ADAM22: variants seen among roughly 807,000 people sequenced by gnomAD.
ADAM22 encodes ADAM metallopeptidase domain 22, also known as disintegrin and metalloproteinase domain-containing protein 22.
In ADAM22, 65 loss-of-function variants were observed where a neutral mutation model predicts 144.6. The observed-to-expected ratio is 0.45, with a 90% CI of 0.37 to 0.55. The LOEUF (loss-of-function observed/expected upper bound fraction) is 0.55. ADAM22 is among the 20% of genes least tolerant of loss of function. ADAM22 has a pLI of 0.00. For synonymous variants in ADAM22, 391 were observed against 412.6 expected (o/e 0.95, Z 0.63); for missense variants, 974 against 1,184.9 (o/e 0.82, Z 2.61).
chr7:88,020,558 G>A (rs1303136484), intron 3 of ADAM22, among the ~76,000 whole-genome samples: 2 of 152,070 alleles, frequency 1.3e-5, no homozygotes, highest in Non-Finnish European at 1.5e-5. Context: ...TATCGACTTT[G>A]GCTGTACTTC....
At chr7:88,124,041 T>C (rs1452318595) in intron 7 of ADAM22, among the ~76,000 whole-genome samples, 1 of 152,052 alleles carries the variant, frequency 6.6e-6, no homozygotes, top group African/African-American at 2.4e-5. Flanking sequence ...TATCATAATG[T>C]CTGTCTTGGT....
chr7:87,959,389 C>T (rs1382429184), intron 2 of ADAM22, among the ~76,000 whole-genome samples: 1 of 151,900 alleles, frequency 6.6e-6, no homozygotes, highest in African/African-American at 2.4e-5. Context: ...TTTTAAGCTC[C>T]TATAATTATC....
intron 15 of ADAM22, 41 bp downstream of exon 15, chr7:88,143,166 A>G (rs1461699342): frequency 1.5e-6 from 2 of 1,323,518 alleles, no homozygotes; most frequent in Non-Finnish European, 2.1e-6. Flanking sequence ...ATTAATTATC[A>G]ACCTTTCTAA....
At chr7:88,190,410 C>T (rs751713776) in intron 30 of ADAM22, among the ~76,000 whole-genome samples, 9 of 151,528 alleles carry the variant, frequency 5.9e-5, no homozygotes, top group Non-Finnish European at 8.8e-5. Context: ...TGGCGCATTC[C>T]TATAGTCCCA....
chr7:88,142,000 C>CT (rs1337083683), intron 14 of ADAM22, among the ~76,000 whole-genome samples: 1 of 151,816 alleles, frequency 6.6e-6, no homozygotes, highest in Non-Finnish European at 1.5e-5. Flanking sequence ...TAATCAAGAT[C>CT]TTTTTTCTAT....
rs529325167 is a variant in ADAM22 at position 88,111,103 on chromosome 7, G to A, written c.473+2845G>A. On this transcript the variant is annotated intron_variant, in intron 5 of 31. Transcript: ENST00000413139. ...AATAAAAATAAACAGAAAACCTATC[G>A]TGTGTCTTGGAACATTGTCAGAATT... Among the ~76,000 whole-genome samples the A allele has an allele frequency of 8.6e-5, 13 of 151,928 alleles. No homozygotes were observed. The East Asian group carries it at 1.8e-3, about 21-fold the overall frequency.
At chr7:88,001,622 G>A (rs2282945) in intron 3 of ADAM22, among the ~76,000 whole-genome samples, 1 of 151,972 alleles carries the variant, frequency 6.6e-6, no homozygotes, top group Admixed American at 6.6e-5. Flanking sequence ...TATCTGGGGA[G>A]TGTGCTTATT....
intron 17 of ADAM22, among the ~76,000 whole-genome samples, chr7:88,146,183 T>A (rs576080401): frequency 6.6e-6 from 1 of 152,340 alleles, no homozygotes; most frequent in African/African-American, 2.4e-5. Flanking sequence ...TAGTCTACGT[T>A]ATTTCTATCT....
intron 26 of ADAM22, among the ~76,000 whole-genome samples, chr7:88,175,307 T>C (rs1845358898): frequency 6.6e-6 from 1 of 152,128 alleles, no homozygotes; most frequent in South Asian, 2.1e-4. Flanking sequence ...AAGCAAGCAA[T>C]AAGCATAGTA....
chr7:88,130,351 C>T (rs1295273399), intron 9 of ADAM22, 37 bp from the exon 10 acceptor site: 1 of 1,553,504 alleles, frequency 6.4e-7, no homozygotes, highest in African/African-American at 1.4e-5. Context: ...TTTCTGATCA[C>T]TTTGCAAGAC....
At chr7:88,012,287 A>C (rs899549493) in intron 3 of ADAM22, among the ~76,000 whole-genome samples, 1 of 152,096 alleles carries the variant, frequency 6.6e-6, no homozygotes, top group Non-Finnish European at 1.5e-5. Flanking sequence ...CCTCTAACCT[A>C]GTAATCATAA....
intron 15 of ADAM22, among the ~76,000 whole-genome samples, chr7:88,144,158 C>A (rs1441839016): frequency 1.3e-5 from 2 of 151,884 alleles, no homozygotes; most frequent in African/African-American, 4.8e-5. Context: ...TGTATATATT[C>A]TTTATTTTGT....
At position 88,182,016 on chromosome 7, in the gene ADAM22, T is replaced by C; in HGVS notation, c.2655T>C (p.Asn885=). The C allele has an allele frequency of 1.2e-6, 2 of 1,613,544 alleles. No individual in the cohort carries two copies. Among genetic ancestry groups the C allele is most frequent in the South Asian group, 1.1e-5 (1 of 91,048 alleles). Residue 885 remains asparagine (N), a synonymous_variant, in exon 29 of 32, where the codon AAT becomes AAC. Transcript: ENST00000413139. The part of the protein sequence containing the change: ...IRGKRFRPRS[N]STEYLNPWFK... ...GCAAAAGATTTAGACCTCGGTCTAA[T>C]TCAACTGAGTAAGTCTGAACCTCTA...
In ADAM22 at chr7:87,950,369, A is replaced by G. The variant is rs547773126; in HGVS notation, c.246+15183A>G. Among the ~76,000 whole-genome samples, 12 of 140,394 alleles carry G rather than the reference A, an allele frequency of 8.5e-5. No individual in the cohort carries two copies. In the South Asian group the frequency reaches 2.5e-3, roughly 29 times the overall value. 92.1% of individuals were successfully genotyped at this position (140,394 alleles called of 152,430 possible). On this transcript the variant is annotated intron_variant, in intron 2 of 31. Coordinates refer to ENST00000413139, the MANE Select transcript of ADAM22 (RefSeq NM_001324418.2). ...TATTCTCATTGTTCAATTCCCATCT[A>G]TGAGTGAGAACATGCGGTGTTTGGT...
At chr7:88,081,918 T>C (rs1374587221) in intron 4 of ADAM22, among the ~76,000 whole-genome samples, 1 of 151,364 alleles carries the variant, frequency 6.6e-6, no homozygotes, top group Non-Finnish European at 1.5e-5. Context: ...CTGCCCAAGG[T>C]AATTTATAGA....
At chr7:88,067,621 T>A (rs960294929) in intron 3 of ADAM22, among the ~76,000 whole-genome samples, 19 of 152,172 alleles carry the variant, frequency 1.2e-4, no homozygotes, top group African/African-American at 2.9e-4. Context: ...GGCATTTTTT[T>A]AAAAAATCTG....
At chr7:88,096,109 G>T (rs1405112053) in intron 4 of ADAM22, among the ~76,000 whole-genome samples, 1 of 152,062 alleles carries the variant, frequency 6.6e-6, no homozygotes, top group African/African-American at 2.4e-5. Flanking sequence ...TTTTAGTAGA[G>T]ACCAGGTCTC....
At chr7:88,104,134 G>A (rs1001144000) in intron 4 of ADAM22, among the ~76,000 whole-genome samples, 2 of 152,112 alleles carry the variant, frequency 1.3e-5, no homozygotes, top group African/African-American at 2.4e-5. Context: ...GTACAGGACT[G>A]TTTAAATGAA....
intron 3 of ADAM22, among the ~76,000 whole-genome samples, chr7:87,986,534 G>A (rs928606024): frequency 1.3e-5 from 2 of 152,196 alleles, no homozygotes; most frequent in Non-Finnish European, 2.9e-5. Context: ...CAGGACCCCA[G>A]GGACTAGAGA....
Sources: allele counts gnomAD v4.1 joint callset (sites outside exome capture counted in the v4.1 genomes callset), GRCh38; gene constraint gnomAD v4.1.1; transcripts MANE v1.5; gene names NCBI Gene and HGNC (gene_info 2026-07-23, HGNC 2026-07-21).